Variants in FZD1 observed in about 807,000 individuals in gnomAD.
The protein encoded by FZD1 is frizzled-1.
FZD1 carries 22 observed loss-of-function variants against 48.0 expected under a neutral mutation model. The ratio of observed to expected loss-of-function variants is 0.46; its 90% CI spans 0.33 to 0.65. The LOEUF (loss-of-function observed/expected upper bound fraction) is 0.65. Among genes scored for constraint, FZD1 ranks in the 30% least tolerant of loss-of-function variants. The pLI is 0.02. For synonymous variants in FZD1, 486 were observed against 409.6 expected, an observed-to-expected ratio of 1.19 and a Z score of -2.25; for missense variants, 843 against 898.1, an observed-to-expected ratio of 0.94 and a Z score of 0.78.
At position 91,265,710 on chromosome 7, in the gene FZD1, C is replaced by G. The variant is rs1803867275; in HGVS notation, c.830C>G (p.Pro277Arg). ...TCGGAGCGAGGCAAGTTCTCCTGCCCGCGCGCCCTCAAGGTGCCCTCCTAC... is the reference window on the plus strand; with the variant it reads ...TCGGAGCGAGGCAAGTTCTCCTGCCGGCGCGCCCTCAAGGTGCCCTCCTAC... Reference protein sequence around the residue: ...GASERGKFSCPRALKVPSYLN... With the variant: ...GASERGKFSCRRALKVPSYLN... Residue 277 changes from proline to arginine, a missense_variant, in exon 1 of 1, where the codon CCG (proline) becomes CGG (arginine). Physicochemically the swap from Pro to Arg is moderately radical, Grantham distance 103. Transcript: ENST00000287934. This position sits in a 1 kb window ranked among gnomAD's most constrained non-coding sequence, Gnocchi z 6.9. 1 of 1,604,824 alleles carries G rather than the reference C, an allele frequency of 6.2e-7. No homozygotes were observed. The highest frequency in any genetic ancestry group is 1.7e-5 in the Admixed American group (1 of 58,830).
At position 91,265,377 on chromosome 7, in the gene FZD1, A is replaced by C. The variant is rs745620349; in HGVS notation, c.497A>C (p.Lys166Thr). ...AAAGTGCAGTGTTCCGCTGAGCTCA[A>C]GTTCTTCCTGTGCTCCATGTACGCG... ...LVKVQCSAEL[K>T]FFLCSMYAPV... Residue 166 changes from lysine (K) to threonine (T), a missense_variant, in exon 1 of 1, where the codon AAG becomes ACG. Physicochemically the swap from Lys to Thr is moderately conservative, Grantham distance 78. Coordinates refer to ENST00000287934, the MANE Select transcript of FZD1 (RefSeq NM_003505.2). The surrounding 1 kb of genome is among the most constrained non-coding windows in gnomAD (Gnocchi z 6.9). The C allele has an allele frequency of 1.2e-6, 2 of 1,613,954 alleles. No homozygotes were observed. Among genetic ancestry groups the C allele is most frequent in the African/African-American group, 1.3e-5 (1 of 75,034 alleles).
chr7:91,270,137 T>G lies in FZD1; in HGVS notation c.*3313T>G, dbSNP rs1382708410. 6.0e-6 allele frequency: 1 copy of G among 167,056 alleles called. No homozygotes were observed. The highest frequency in any genetic ancestry group is 1.9e-4 in the East Asian group (1 of 5,202). 10.3% of individuals were successfully genotyped at this position (167,056 alleles called of 1,614,324 possible). On this transcript the variant is annotated 3_prime_UTR_variant, in exon 1 of 1. Coordinates refer to ENST00000287934, the MANE Select transcript of FZD1 (RefSeq NM_003505.2). ...ATACTGTCCCATTAGCATTGCTGTT[T>G]CCATGACAAACCCTATTTTCAGATG...
Position 91,265,492 on chromosome 7 carries a change from G to C in FZD1, c.612G>C (p.Lys204Asn). 1 of 1,612,966 alleles carries C rather than the reference G, an allele frequency of 6.2e-7. No homozygotes were observed. Among genetic ancestry groups the C allele is most frequent in the Non-Finnish European group, 8.5e-7 (1 of 1,179,818 alleles). Reference sequence around the variant, plus strand: ...AGGGCTGCGAGGCGCTCATGAACAAGTTCGGCTTCCAGTGGCCAGACACGC... The same window carrying C: ...AGGGCTGCGAGGCGCTCATGAACAACTTCGGCTTCCAGTGGCCAGACACGC... ...ARQGCEALMN[K>N]FGFQWPDTLK... The change falls in exon 1 of 1, where the codon AAG becomes AAC. Residue 204 changes from lysine to asparagine, a missense_variant. By Grantham distance (94) the Lys-to-Asn change is moderately conservative. Coordinates refer to ENST00000287934, the MANE Select transcript of FZD1 (RefSeq NM_003505.2). This position sits in a 1 kb window ranked among gnomAD's most constrained non-coding sequence, Gnocchi z 6.9.
In FZD1 at chr7:91,265,679, G is replaced by C. The variant is rs1408766136; in HGVS notation, c.799G>C (p.Gly267Arg). The C allele has an allele frequency of 6.4e-7, 1 of 1,572,396 alleles. No individual in the cohort carries two copies. ...GHRGGFPGGA[G>R]ASERGKFSCP... ...CCGTGGCGGCTTCCCGGGGGGCGCCGGCGCGTCGGAGCGAGGCAAGTTCTC... is the reference window on the plus strand; with the variant it reads ...CCGTGGCGGCTTCCCGGGGGGCGCCCGCGCGTCGGAGCGAGGCAAGTTCTC... Residue 267 changes from glycine (G) to arginine (R), a missense_variant, in exon 1 of 1, where the codon GGC (glycine) becomes CGC (arginine). Transcript: ENST00000287934. The surrounding 1 kb of genome is among the most constrained non-coding windows in gnomAD (Gnocchi z 6.9).
At position 91,267,904 on chromosome 7, in the gene FZD1, T is replaced by C. The variant is rs536474451; in HGVS notation, c.*1080T>C. 10 of 167,224 alleles carry C rather than the reference T, an allele frequency of 6.0e-5. No individual in the cohort carries two copies. Among genetic ancestry groups the C allele is most frequent in the South Asian group, 2.1e-4 (1 of 4,830 alleles). The allele number at this position is 167,224 out of a possible 1,614,324, so 10.4% of individuals were successfully genotyped here. A position where few individuals can be genotyped will look rare whatever the true frequency, so the allele number is the denominator to read the frequency against. On this transcript the variant is annotated 3_prime_UTR_variant, in exon 1 of 1. Transcript: ENST00000287934. ...GATATGGGTTATAAAATGTTAATTC[T>C]AATTGCATACGGATGCCTGGCAACC...
At position 91,270,775 on chromosome 7, in the gene FZD1, A is replaced by G. The variant is rs1422288643; in HGVS notation, c.*3951A>G. 6.0e-6 allele frequency: 1 copy of G among 166,890 alleles called. No homozygotes were observed. Among genetic ancestry groups the G allele is most frequent in the Non-Finnish European group, 1.5e-5 (1 of 68,118 alleles). The allele number at this position is 166,890 out of a possible 1,614,324, so 10.3% of individuals were successfully genotyped here. On this transcript the variant is annotated 3_prime_UTR_variant, in exon 1 of 1. Coordinates refer to ENST00000287934, the MANE Select transcript of FZD1 (RefSeq NM_003505.2). ...TGTGTCATGGCATTGGATATCTCTG[A>G]TTCATTTCTTATTATAATAGTCTGT...
In FZD1 at chr7:91,266,271, C is replaced by T; in HGVS notation, c.1391C>T (p.Ala464Val). ...VPAIKTITIL[A>V]LGQVDGDVLS... The stretch of plus-strand genomic sequence containing the variant: ...GCCATCAAGACCATCACCATCCTGG[C>T]GCTGGGCCAGGTGGACGGCGATGTG... The change falls in exon 1 of 1, where the codon GCG becomes GTG. Residue 464 changes from alanine to valine, a missense_variant. Ala to Val is a moderately conservative substitution (Grantham distance 64). Around this residue, in one of 2 missense-constraint regions of FZD1, gnomAD observed 353 missense variants for 431.6 expected, o/e 0.82. Transcript: ENST00000287934. This position sits in a 1 kb window ranked among gnomAD's most constrained non-coding sequence, Gnocchi z 6.8. 1 of 1,614,144 alleles carries T rather than the reference C, an allele frequency of 6.2e-7. No individual in the cohort carries two copies. The highest frequency in any genetic ancestry group is 8.5e-7 in the Non-Finnish European group (1 of 1,180,024).
In FZD1 at chr7:91,265,315, C is replaced by G; in HGVS notation, c.435C>G (p.Asp145Glu). 2 of 1,614,128 alleles carry G rather than the reference C, an allele frequency of 1.2e-6. No individual in the cohort carries two copies. Among genetic ancestry groups the G allele is most frequent in the Non-Finnish European group, 1.7e-6 (2 of 1,179,984 alleles). Residue 145 changes from aspartate to glutamate, a missense_variant, in exon 1 of 1, where the codon GAC (aspartate) becomes GAG (glutamate). Asp to Glu is a conservative substitution (Grantham distance 45). Around this residue, in one of 2 missense-constraint regions of FZD1, gnomAD observed 490 missense variants for 466.5 expected, o/e 1.05. Coordinates refer to ENST00000287934, the MANE Select transcript of FZD1 (RefSeq NM_003505.2). The surrounding 1 kb of genome is among the most constrained non-coding windows in gnomAD (Gnocchi z 6.9). The part of the protein sequence containing the change: ...PNLLGHTNQE[D>E]AGLEVHQFYP... ...TGCTGGGCCACACGAACCAGGAGGA[C>G]GCGGGCCTGGAGGTGCACCAGTTCT... is the stretch of plus-strand genomic sequence containing the variant.
Position 91,266,087 on chromosome 7 carries a change from A to C in FZD1, c.1207A>C (p.Thr403Pro). 1.9e-6 allele frequency: 3 copies of C among 1,614,220 alleles called. No individual in the cohort carries two copies. Among genetic ancestry groups the C allele is most frequent in the Non-Finnish European group, 2.5e-6 (3 of 1,180,044 alleles). The change falls in exon 1 of 1, where the codon ACC becomes CCC. Residue 403 changes from threonine (T) to proline (P), a missense_variant. Physicochemically the swap from Thr to Pro is conservative, Grantham distance 38. This residue lies in a region of FZD1 where 353 missense variants were observed against 431.6 expected (regional missense o/e 0.82). Transcript: ENST00000287934. The surrounding 1 kb of genome is among the most constrained non-coding windows in gnomAD (Gnocchi z 6.8). Reference protein sequence around the residue: ...VAQGTKKEGCTILFMMLYFFS... With the variant: ...VAQGTKKEGCPILFMMLYFFS... ...GCAGGGCACCAAGAAGGAGGGCTGCACCATCCTCTTCATGATGCTCTACTT... is the reference window on the plus strand; with the variant it reads ...GCAGGGCACCAAGAAGGAGGGCTGCCCCATCCTCTTCATGATGCTCTACTT...
rs1293285241 is a variant in FZD1, at chr7:91,269,334, A to G, written c.*2510A>G. 6.0e-6 allele frequency: 1 copy of G among 166,842 alleles called. No homozygotes were observed. Among genetic ancestry groups the G allele is most frequent in the Non-Finnish European group, 1.5e-5 (1 of 68,066 alleles). The allele number at this position is 166,842 out of a possible 1,614,324, so 10.3% of individuals were successfully genotyped here. The stretch of plus-strand genomic sequence containing the variant: ...TCAGAATTTATGCATGGGTGTATAT[A>G]TGTGTATATATAGATAAGTATACAC... On this transcript the variant is annotated 3_prime_UTR_variant, in exon 1 of 1. Transcript: ENST00000287934.
At position 91,265,022 on chromosome 7, in the gene FZD1, C is replaced by T. The variant is rs554909047; in HGVS notation, c.142C>T (p.Pro48Ser). 1,171 of 1,409,332 alleles carry T rather than the reference C, an allele frequency of 8.3e-4. 13 individuals carry two copies. In the African/African-American group the frequency reaches 0.016, roughly 19 times the overall value. 87.3% of individuals were successfully genotyped at this position (1,409,332 alleles called of 1,614,324 possible). A position where few individuals can be genotyped will look rare whatever the true frequency, so the allele number is the denominator to read the frequency against. Reference sequence around the variant, plus strand: ...TGGCCGCCGCCGCCCGCCAGTTGACCCCCGGCGATTGGCGCGCCAGCTGCT... The same window carrying T: ...TGGCCGCCGCCGCCCGCCAGTTGACTCCCGGCGATTGGCGCGCCAGCTGCT... ...AGGRRRPPVD[P>S]RRLARQLLLL... The change falls in exon 1 of 1, where the codon CCC becomes TCC. Residue 48 changes from proline (P) to serine (S), a missense_variant. By Grantham distance (74) the Pro-to-Ser change is moderately conservative. This residue lies in a region of FZD1 where 490 missense variants were observed against 466.5 expected (regional missense o/e 1.05). Transcript: ENST00000287934. The surrounding 1 kb of genome is among the most constrained non-coding windows in gnomAD (Gnocchi z 6.9).
Position 91,265,984 on chromosome 7 carries a change from C to T in FZD1, c.1104C>T (p.Ala368=), listed in dbSNP as rs762432593. The change falls in exon 1 of 1, where the codon GCC becomes GCT. Residue 368 remains alanine (A), a synonymous_variant. Coordinates refer to ENST00000287934, the MANE Select transcript of FZD1 (RefSeq NM_003505.2). This position sits in a 1 kb window ranked among gnomAD's most constrained non-coding sequence, Gnocchi z 6.9. The part of the protein sequence containing the change: ...LSGCYTAVAV[A]YIAGFLLEDR... ...GCTGTTACACGGCCGTGGCCGTGGC[C>T]TACATCGCCGGCTTCCTCCTGGAAG... The T allele has an allele frequency of 1.2e-6, 2 of 1,614,178 alleles. No homozygotes were observed. Among genetic ancestry groups the T allele is most frequent in the Non-Finnish European group, 8.5e-7 (1 of 1,180,030 alleles).
rs2116130539 is a variant in FZD1 at position 91,265,143 on chromosome 7, A to AACC, written c.264_266dup (p.Pro93dup). 3 of 1,209,190 alleles carry AACC rather than the reference A, an allele frequency of 2.5e-6. No individual in the cohort carries two copies. The highest frequency in any genetic ancestry group is 3.5e-6 in the Non-Finnish European group (3 of 846,552). 74.9% of individuals were successfully genotyped at this position (1,209,190 alleles called of 1,614,324 possible). On this transcript the variant is annotated inframe_insertion, in exon 1 of 1. Coordinates refer to ENST00000287934, the MANE Select transcript of FZD1 (RefSeq NM_003505.2). The surrounding 1 kb of genome is among the most constrained non-coding windows in gnomAD (Gnocchi z 6.9). Reference sequence around the variant, plus strand: ...GGCCAGGGGCCCGGGCCGGGGCAGCAACCGCCGCCGCCGCCTCAGCAGCAA... The same window carrying AACC: ...GGCCAGGGGCCCGGGCCGGGGCAGCAACCACCGCCGCCGCCGCCTCAGCAGCAA...
rs755998616 is a variant in FZD1 at position 91,266,328 on chromosome 7, A to G, written c.1448A>G (p.Asn483Ser). ...GGAGTGTGCTTCGTGGGGCTTAACA[A>G]CGTGGACGCGCTGCGTGGCTTCGTG... ...LSGVCFVGLN[N>S]VDALRGFVLA... is the part of the protein sequence containing the mutation. Residue 483 changes from asparagine to serine, a missense_variant, in exon 1 of 1, where the codon AAC (asparagine) becomes AGC (serine). Physicochemically the swap from Asn to Ser is conservative, Grantham distance 46 (BLOSUM62 1). Transcript: ENST00000287934. This position sits in a 1 kb window ranked among gnomAD's most constrained non-coding sequence, Gnocchi z 6.8. 5.0e-6 allele frequency: 8 copies of G among 1,614,084 alleles called. No homozygotes were observed. Among genetic ancestry groups the G allele is most frequent in the Non-Finnish European group, 4.2e-6 (5 of 1,180,012 alleles).
Position 91,264,572 on chromosome 7 carries a change from G to C in FZD1, c.-309G>C, listed in dbSNP as rs985891281. 31 of 363,864 alleles carry C rather than the reference G, an allele frequency of 8.5e-5. No individual in the cohort carries two copies. Among genetic ancestry groups the C allele is most frequent in the South Asian group, 2.9e-4 (2 of 6,970 alleles). The allele number at this position is 363,864 out of a possible 1,614,324, so 22.5% of individuals were successfully genotyped here. ...GGCTGCGGAGAGTTGCGCTCTCTACGGGGCCGCGGCCACTAGCGCGGCGCC... is the reference window on the plus strand; with the variant it reads ...GGCTGCGGAGAGTTGCGCTCTCTACCGGGCCGCGGCCACTAGCGCGGCGCC... On this transcript the variant is annotated 5_prime_UTR_variant, in exon 1 of 1. Coordinates refer to ENST00000287934, the MANE Select transcript of FZD1 (RefSeq NM_003505.2).
rs866946109 is a variant in FZD1 at position 91,268,250 on chromosome 7, A to G, written c.*1426A>G. On this transcript the variant is annotated 3_prime_UTR_variant, in exon 1 of 1. Coordinates refer to ENST00000287934, the MANE Select transcript of FZD1 (RefSeq NM_003505.2). ...GAGGGGGGAACAATTCACACCACCA[A>G]TAATAACCTGGTAAGATTTCAGGAG... 6.0e-6 allele frequency: 1 copy of G among 166,994 alleles called. No individual in the cohort carries two copies. Among genetic ancestry groups the G allele is most frequent in the South Asian group, 2.1e-4 (1 of 4,832 alleles). The allele number at this position is 166,994 out of a possible 1,614,324, so 10.3% of individuals were successfully genotyped here. A position where few individuals can be genotyped will look rare whatever the true frequency, so the allele number is the denominator to read the frequency against.
chr7:91,267,555 C>A lies in FZD1; in HGVS notation c.*731C>A, dbSNP rs1337800162. On this transcript the variant is annotated 3_prime_UTR_variant, in exon 1 of 1. Coordinates refer to ENST00000287934, the MANE Select transcript of FZD1 (RefSeq NM_003505.2). ...GGCGGTGGATTGCGAAGGCCCGTCC[C>A]TTCGACTTCCTGAAGCTGGATTTTT... 6.0e-6 allele frequency: 1 copy of A among 167,110 alleles called. No individual in the cohort carries two copies. Among genetic ancestry groups the A allele is most frequent in the Non-Finnish European group, 1.5e-5 (1 of 68,170 alleles). 10.4% of individuals were successfully genotyped at this position (167,110 alleles called of 1,614,324 possible).
chr7:91,266,648 GC>G lies in FZD1; in HGVS notation c.1772del (p.Pro591ArgfsTer6). On this transcript the variant is annotated frameshift_variant, in exon 1 of 1. Transcript: ENST00000287934. LOFTEE classifies it high-confidence loss of function. The surrounding 1 kb of genome is among the most constrained non-coding windows in gnomAD (Gnocchi z 6.8). Reference protein sequence around the residue: ...PCPHLQAGGGAPPHPPMSPDF... With the variant: ...PCPHLQAGGGXPPHPPMSPDF... ...CCCTCACCTCCAGGCGGGCGGAGGCGCCCCGCCGCACCCGCCCATGAGCCCG... is the reference window on the plus strand; with the variant it reads ...CCCTCACCTCCAGGCGGGCGGAGGCGCCCGCCGCACCCGCCCATGAGCCCG... 1 of 1,608,786 alleles carries G rather than the reference GC, an allele frequency of 6.2e-7. No homozygotes were observed. Among genetic ancestry groups the G allele is most frequent in the Non-Finnish European group, 8.5e-7 (1 of 1,177,498 alleles).
Position 91,265,097 on chromosome 7 carries a change from C to T in FZD1, c.217C>T (p.Gln73Ter). The change falls in exon 1 of 1, where the codon CAG becomes TAG. Residue 73 changes from glutamine to a stop codon, truncating the protein, a stop_gained. Coordinates refer to ENST00000287934, the MANE Select transcript of FZD1 (RefSeq NM_003505.2). LOFTEE classifies it high-confidence loss of function. The surrounding 1 kb of genome is among the most constrained non-coding windows in gnomAD (Gnocchi z 6.9). Reference protein sequence around the residue: ...EAPLLLGVRAQAAGQGPGQGP... With the variant: ...EAPLLLGVRA ...TCCGCTGCTGCTGGGGGTCCGGGCCCAGGCGGCGGGCCAGGGGCCAGGCCA... is the reference window on the plus strand; with the variant it reads ...TCCGCTGCTGCTGGGGGTCCGGGCCTAGGCGGCGGGCCAGGGGCCAGGCCA... 7.2e-7 allele frequency: 1 copy of T among 1,394,048 alleles called. No homozygotes were observed. Among genetic ancestry groups the T allele is most frequent in the Non-Finnish European group, 9.3e-7 (1 of 1,077,886 alleles). The allele number at this position is 1,394,048 out of a possible 1,614,324, so 86.4% of individuals were successfully genotyped here. A position where few individuals can be genotyped will look rare whatever the true frequency, so the allele number is the denominator to read the frequency against.
Sources: gnomAD v4.1 joint callset for allele counts on GRCh38, gnomAD v4.1.1 for gene constraint, gnomAD v4.1.1 regional missense constraint, Gnocchi (gnomAD v3.1) non-coding constraint, MANE v1.5 for transcripts, NCBI Gene and HGNC (gene_info 2026-07-23, HGNC 2026-07-21) for gene names.